Variants in AQR observed in about 807,000 individuals in gnomAD.
AQR encodes the protein RNA helicase aquarius.
AQR carries 61 observed loss-of-function variants against 180.5 expected under a neutral mutation model. That is an observed-to-expected ratio of 0.34 (90% CI 0.28 to 0.42). The LOEUF (loss-of-function observed/expected upper bound fraction) is 0.42, where lower values mean the gene tolerates loss of function less well. Ranked by LOEUF, AQR falls within the 10% of genes least tolerant of loss-of-function variation. The pLI is 1.00. For synonymous variants in AQR, 551 were observed against 588.8 expected (o/e 0.94, Z 0.93); for missense variants, 1,281 against 1,798.3 (o/e 0.71, Z 5.20).
At chr15:34,868,032 G>C (rs1595780935) in intron 31 of AQR, 1 of 162,278 alleles carries the variant, frequency 6.2e-6, no homozygotes, top group Non-Finnish European at 1.3e-5. Context: ...CTCCATCAAA[G>C]AAAAAAACAA....
chr15:34,890,964 G>A (rs1181149519), intron 23 of AQR, among the ~76,000 whole-genome samples: 1 of 152,090 alleles, frequency 6.6e-6, no homozygotes, highest in Admixed American at 6.5e-5. Context: ...TTTACAGAAA[G>A]GCAAAAGTTT....
At chr15:34,880,059 A>G (rs1487786970) in intron 27 of AQR, among the ~76,000 whole-genome samples, 2 of 152,236 alleles carry the variant, frequency 1.3e-5, no homozygotes, top group South Asian at 2.1e-4. Context: ...TGACAGAACA[A>G]AAATGTAAAA....
intron 34 of AQR, among the ~76,000 whole-genome samples, chr15:34,858,040 G>A (rs1487300521): frequency 6.6e-6 from 1 of 152,156 alleles, no homozygotes; most frequent in South Asian, 2.1e-4. Context: ...CTGGAGTGCA[G>A]TGGTGCCATC....
chr15:34,903,927 A>G (rs1023920857), intron 19 of AQR, among the ~76,000 whole-genome samples: 1 of 152,056 alleles, frequency 6.6e-6, no homozygotes, highest in African/African-American at 2.4e-5. Flanking sequence ...TTGAGATTCC[A>G]TATCTGTATT....
chr15:34,946,578 T>TGG (rs1203741907), intron 5 of AQR, among the ~76,000 whole-genome samples: 4 of 111,240 alleles, frequency 3.6e-5, no homozygotes, highest in African/African-American at 1.1e-4. Context: ...GGGAGGGAGG[T>TGG]GGGGGGGGTC....
chr15:34,859,739 G>A (rs1892642637), intron 34 of AQR, among the ~76,000 whole-genome samples: 2 of 152,146 alleles, frequency 1.3e-5, no homozygotes, highest in African/African-American at 4.8e-5. Flanking sequence ...TTACAAATGG[G>A]CACAAGGGAA....
Position 34,932,847 on chromosome 15 carries a change from C to T in AQR, c.784-413G>A, listed in dbSNP as rs183938037. Among the ~76,000 whole-genome samples, 151 of 151,970 alleles carry T rather than the reference C, an allele frequency of 9.9e-4. 1 individual carries two copies. Among genetic ancestry groups the T allele is most frequent in the Middle Eastern group, 6.8e-3 (2 of 294 alleles). ...ATGGGCGCCTGTAATCCCAGCTACT[C>T]GGGAAGCTGAGGCAGGGAGAATTGC... On this transcript the variant is annotated intron_variant, in intron 10 of 34. Transcript: ENST00000156471.
intron 5 of AQR, among the ~76,000 whole-genome samples, chr15:34,947,334 C>G (rs962627604): frequency 2.0e-5 from 3 of 150,716 alleles, no homozygotes; most frequent in African/African-American, 7.3e-5. Flanking sequence ...AGAGTCATCA[C>G]CACTCCCTAA....
chr15:34,875,837 C>A, intron 28 of AQR, 98 bp downstream of exon 28: 1 of 877,100 alleles, frequency 1.1e-6, no homozygotes, highest in South Asian at 1.7e-5. Flanking sequence ...AAATACATAA[C>A]TATGGCAATC....
rs1343663155 is a variant in AQR at position 34,900,815 on chromosome 15, G to C, written c.2050C>G (p.Pro684Ala). Residue 684 changes from proline (P) to alanine (A), a missense_variant, in exon 20 of 35, where the codon CCT becomes GCT. This residue lies in a region of AQR where 28 missense variants were observed against 75.3 expected (regional missense o/e 0.37). Coordinates refer to ENST00000156471, the MANE Select transcript of AQR (RefSeq NM_014691.3). ...AAAATGATATCGTGCAGCCAGTCAG[G>C]TACCACACAATCAGTATTCATCAGG... ...RNLMNTDCVV[P>A]DWLHDIILGY... The C allele has an allele frequency of 6.2e-7, 1 of 1,613,684 alleles. No homozygotes were observed. Among genetic ancestry groups the C allele is most frequent in the Admixed American group, 1.7e-5 (1 of 59,974 alleles).
chr15:34,946,101 T>A (rs542671336), intron 5 of AQR, among the ~76,000 whole-genome samples: 23 of 152,058 alleles, frequency 1.5e-4, no homozygotes, highest in Non-Finnish European at 2.8e-4. Flanking sequence ...TGAAACCCCA[T>A]CTCTACTAAA....
intron 2 of AQR, 128 bp from the exon 3 acceptor site, chr15:34,960,942 G>T: frequency 2.6e-6 from 1 of 389,010 alleles, no homozygotes; most frequent in Non-Finnish European, 4.6e-6. Context: ...TACTGCTATT[G>T]AAATAATGAG....
chr15:34,930,834 TTTTTTTTTTTTTTTTG>T lies in AQR; in HGVS notation c.901-479_901-464del, dbSNP rs1160188303. 2.7e-3 allele frequency among the ~76,000 whole-genome samples: 98 copies of T among 36,926 alleles called. 1 individual carries two copies. The South Asian group carries it at 0.085, about 32-fold the overall frequency. 24.2% of individuals were successfully genotyped at this position (36,926 alleles called of 152,430 possible). ...ACGCCACTTCTTTTTTTTTTTTTTT[TTTTTTTTTTTTTTTTG>T]GTCTGAGACGGAGTCTCGCTCTGTC... On this transcript the variant is annotated intron_variant, in intron 11 of 34. Transcript: ENST00000156471.
chr15:34,883,203 G>A (rs540892321), intron 26 of AQR, among the ~76,000 whole-genome samples: 3 of 152,218 alleles, frequency 2.0e-5, no homozygotes, highest in South Asian at 2.1e-4. Flanking sequence ...AGAGGGAACT[G>A]ATGAAGAAAT....
At chr15:34,959,062 G>C (rs540109382) in intron 3 of AQR, among the ~76,000 whole-genome samples, 2 of 152,216 alleles carry the variant, frequency 1.3e-5, no homozygotes, top group African/African-American at 4.8e-5. Flanking sequence ...TGACCTACTA[G>C]AATGTAAGCT....
chr15:34,930,287 T>C lies in AQR; in HGVS notation c.985A>G (p.Ile329Val). ...NALTENEMTTIHYDRITSLQR... is the reference protein window; with the variant it reads ...NALTENEMTTVHYDRITSLQR... ...AGAGAAGTAATTCTATCATAGTGAATTGTGGTCATCTCATTCTCTGTCAGA... is the reference window on the plus strand; with the variant it reads ...AGAGAAGTAATTCTATCATAGTGAACTGTGGTCATCTCATTCTCTGTCAGA... The change falls in exon 12 of 35, where the codon ATT (isoleucine) becomes GTT (valine). Residue 329 changes from isoleucine to valine, a missense_variant. By Grantham distance (29) the Ile-to-Val change is conservative (BLOSUM62 3). This residue lies in a region of AQR where 404 missense variants were observed against 490.9 expected (regional missense o/e 0.82). Transcript: ENST00000156471. 1.9e-6 allele frequency: 3 copies of C among 1,604,928 alleles called. No homozygotes were observed. Among genetic ancestry groups the C allele is most frequent in the Non-Finnish European group, 2.6e-6 (3 of 1,172,572 alleles).
intron 5 of AQR, among the ~76,000 whole-genome samples, chr15:34,946,430 T>TTG (rs1555426382): frequency 3.1e-5 from 3 of 98,236 alleles, no homozygotes; most frequent in Non-Finnish European, 4.2e-5. Context: ...GGGAGGGAGG[T>TTG]GGGGGGGGTC....
At chr15:34,955,262 G>A (rs1416800143) in intron 3 of AQR, among the ~76,000 whole-genome samples, 2 of 152,118 alleles carry the variant, frequency 1.3e-5, no homozygotes, top group Non-Finnish European at 2.9e-5. Context: ...CTGACACTGT[G>A]CCAAGGACTT....
intron 33 of AQR, among the ~76,000 whole-genome samples, chr15:34,861,787 C>T (rs1023296494): frequency 2.0e-5 from 3 of 152,092 alleles, no homozygotes; most frequent in African/African-American, 7.2e-5. Context: ...TCCACAGCAG[C>T]ATTTCTTCAA....
Sources: gnomAD v4.1 joint callset for allele counts (sites outside exome capture counted in the v4.1 genomes callset) on GRCh38, gnomAD v4.1.1 for gene constraint, gnomAD v4.1.1 regional missense constraint, MANE v1.5 for transcripts, NCBI Gene and HGNC (gene_info 2026-07-23, HGNC 2026-07-21) for gene names.